Variants in PPM1A observed in about 807,000 individuals in gnomAD.
PPM1A encodes protein phosphatase, Mg2+/Mn2+ dependent 1A, also known as protein phosphatase 1A.
PPM1A carries 7 observed loss-of-function variants against 35.0 expected under a neutral mutation model. That is an observed-to-expected ratio of 0.20 (90% CI 0.11 to 0.38). PPM1A has a LOEUF of 0.38. PPM1A is among the 10% of genes least tolerant of loss of function. PPM1A has a pLI of 1.00. For synonymous variants in PPM1A, 153 were observed against 167.3 expected (o/e 0.91, Z 0.66); for missense variants, 239 against 467.8 (o/e 0.51, Z 4.51).
At chr14:60,255,663 A>G (rs1327449869) in intron 1 of PPM1A, among the ~76,000 whole-genome samples, 1 of 152,196 alleles carries the variant, frequency 6.6e-6, no homozygotes, top group African/African-American at 2.4e-5. Flanking sequence ...TTGTAGGAGG[A>G]GGTAGTAGAA....
At chr14:60,279,672 C>G (rs971898623) in intron 1 of PPM1A, among the ~76,000 whole-genome samples, 2 of 152,188 alleles carry the variant, frequency 1.3e-5, no homozygotes, top group Admixed American at 1.3e-4. Context: ...GTTCCTGTTT[C>G]TCCACATTCT....
chr14:60,284,697 A>ATATG (rs1555344233), intron 2 of PPM1A, among the ~76,000 whole-genome samples: 1 of 115,304 alleles, frequency 8.7e-6, no homozygotes, highest in African/African-American at 5.0e-5. Context: ...ATATATATAT[A>ATATG]TGTGTGTGTG....
rs1386098466 is a variant in PPM1A, at chr14:60,295,418, C to T, written c.*2936C>T. 2 of 151,690 alleles carry T rather than the reference C, an allele frequency of 1.3e-5. No individual in the cohort carries two copies. The highest frequency in any genetic ancestry group is 4.8e-5 in the African/African-American group (2 of 41,382). 9.4% of individuals were successfully genotyped at this position (151,690 alleles called of 1,614,324 possible). ...TCAAACATATTTTTACTTTATAGTG[C>T]ATTAACTTGCTTCTAGAGTACTTAA... On this transcript the variant is annotated 3_prime_UTR_variant, in exon 6 of 6. Coordinates refer to ENST00000395076, the MANE Select transcript of PPM1A (RefSeq NM_021003.5).
upstream of PPM1A, chr14:60,246,080 T>C (rs768468908): frequency 4.6e-6 from 7 of 1,528,342 alleles, no homozygotes; most frequent in South Asian, 9.2e-5. Context: ...TGAACCTATG[T>C]TCTGGTTGGC....
At chr14:60,272,884 T>C (rs1458146146) in intron 1 of PPM1A, among the ~76,000 whole-genome samples, 2 of 152,128 alleles carry the variant, frequency 1.3e-5, no homozygotes, top group Non-Finnish European at 2.9e-5. Context: ...ATCAATTTGA[T>C]ACTCTTTCCT....
intron 1 of PPM1A, among the ~76,000 whole-genome samples, chr14:60,279,396 C>T (rs778704912): frequency 5.0e-4 from 76 of 152,270 alleles, no homozygotes; most frequent in Admixed American, 1.6e-3. Flanking sequence ...AGATTACAGG[C>T]GTGAGCCACT....
chr14:60,298,045 A>T lies in PPM1A; in HGVS notation c.*5563A>T, dbSNP rs934317591. 6.6e-6 allele frequency: 1 copy of T among 151,628 alleles called. No homozygotes were observed. Among genetic ancestry groups the T allele is most frequent in the African/African-American group, 2.4e-5 (1 of 41,372 alleles). The allele number at this position is 151,628 out of a possible 1,614,324, so 9.4% of individuals were successfully genotyped here. ...AGATAGGGGACCTGGCTAGAATCTGACATTAAAATATACTTTTTAAAAAAT... is the reference window on the plus strand; with the variant it reads ...AGATAGGGGACCTGGCTAGAATCTGTCATTAAAATATACTTTTTAAAAAAT... On this transcript the variant is annotated 3_prime_UTR_variant, in exon 6 of 6. Transcript: ENST00000395076.
upstream of PPM1A, among the ~76,000 whole-genome samples, chr14:60,248,380 C>T (rs1357453094): frequency 1.3e-5 from 2 of 152,238 alleles, no homozygotes; most frequent in Non-Finnish European, 2.9e-5. Context: ...GATTATCTAA[C>T]ATGTGCAAAT....
upstream of PPM1A, chr14:60,246,056 GAGGA>G (rs1176946767): frequency 2.1e-5 from 33 of 1,566,152 alleles, no homozygotes; most frequent in Non-Finnish European, 2.8e-5. Flanking sequence ...GGTAGTGAGG[GAGGA>G]AGGAATTGTT....
At chr14:60,287,998 T>A in intron 3 of PPM1A, 1 of 980,278 alleles carries the variant, frequency 1.0e-6, no homozygotes, top group Non-Finnish European at 1.2e-6. Flanking sequence ...AAGCGTTCAG[T>A]CTTTTTACAA....
At chr14:60,260,338 A>T (rs1420537188) in intron 1 of PPM1A, among the ~76,000 whole-genome samples, 1 of 152,120 alleles carries the variant, frequency 6.6e-6, no homozygotes, top group East Asian at 1.9e-4. Context: ...GTAAATATTT[A>T]TTTAAGGCTA....
chr14:60,260,807 A>AT (rs1000668279), intron 1 of PPM1A, among the ~76,000 whole-genome samples: 5 of 152,150 alleles, frequency 3.3e-5, no homozygotes, highest in Admixed American at 3.3e-4. Context: ...TTTCACTTAC[A>AT]TGTGTCTTGC....
intron 1 of PPM1A, among the ~76,000 whole-genome samples, chr14:60,277,908 C>T (rs1193246016): frequency 6.6e-6 from 1 of 152,134 alleles, no homozygotes; most frequent in African/African-American, 2.4e-5. Context: ...ATAATACCTC[C>T]CTCCTCAACC....
Position 60,282,639 on chromosome 14 carries a change from G to A in PPM1A, c.-20-45G>A. 6.3e-7 allele frequency: 1 copy of A among 1,575,052 alleles called. No homozygotes were observed. The highest frequency in any genetic ancestry group is 8.6e-7 in the Non-Finnish European group (1 of 1,160,854). On this transcript the variant is annotated intron_variant, in intron 1 of 5. Transcript: ENST00000395076. This position sits in a 1 kb window ranked among gnomAD's most constrained non-coding sequence, Gnocchi z 5.1. The stretch of plus-strand genomic sequence containing the variant: ...AAAAAGATTGTTTGGTACATATTTT[G>A]TTTATAAGACAGTTATTGACTTTCC...
Position 60,295,839 on chromosome 14 carries a change from T to G in PPM1A, c.*3357T>G, listed in dbSNP as rs1888021285. ...AAGGCAGGCCCCTGCCCTAAAGACC[T>G]TGTTTATACTTCCTTTACTCACCTG... On this transcript the variant is annotated 3_prime_UTR_variant, in exon 6 of 6. Coordinates refer to ENST00000395076, the MANE Select transcript of PPM1A (RefSeq NM_021003.5). The G allele has an allele frequency of 6.6e-6, 1 of 151,692 alleles. No individual in the cohort carries two copies. The highest frequency in any genetic ancestry group is 1.5e-5 in the Non-Finnish European group (1 of 67,682). The allele number at this position is 151,692 out of a possible 1,614,324, so 9.4% of individuals were successfully genotyped here. A position where few individuals can be genotyped will look rare whatever the true frequency, so the allele number is the denominator to read the frequency against.
At chr14:60,255,137 CTG>C (rs1882905286) in intron 1 of PPM1A, among the ~76,000 whole-genome samples, 1 of 148,422 alleles carries the variant, frequency 6.7e-6, no homozygotes, top group South Asian at 2.2e-4. Context: ...AAAGCAATGT[CTG>C]TGTATTATTT....
In PPM1A at chr14:60,282,562, G is replaced by A. The variant is rs1886532882; in HGVS notation, c.-20-122G>A. The A allele has an allele frequency of 8.0e-7, 1 of 1,244,478 alleles. No individual in the cohort carries two copies. The highest frequency in any genetic ancestry group is 1.5e-5 in the African/African-American group (1 of 65,966). The allele number at this position is 1,244,478 out of a possible 1,614,324, so 77.1% of individuals were successfully genotyped here. ...CCAGATTCCAAGTCAGCAACACAAT[G>A]AATGTCTGCTTATCGCGAGTTGTGA... On this transcript the variant is annotated intron_variant, in intron 1 of 5. Coordinates refer to ENST00000395076, the MANE Select transcript of PPM1A (RefSeq NM_021003.5). The surrounding 1 kb of genome is among the most constrained non-coding windows in gnomAD (Gnocchi z 5.1).
At chr14:60,286,552 G>A (rs759481205) in intron 3 of PPM1A, 12 of 984,916 alleles carry the variant, frequency 1.2e-5, no homozygotes, top group South Asian at 4.7e-5. Flanking sequence ...TAAAAATAGC[G>A]TTAAAATGCA....
At chr14:60,249,036 G>A (rs937335301), upstream of PPM1A, among the ~76,000 whole-genome samples, 1 of 152,102 alleles carries the variant, frequency 6.6e-6, no homozygotes, top group Non-Finnish European at 1.5e-5. The surrounding 1 kb of genome is among the most constrained non-coding windows in gnomAD (Gnocchi z 4.5). Context: ...AGGCAGTGAC[G>A]TCATCTGTGG....
Sources: gnomAD v4.1 joint callset for allele counts (sites outside exome capture counted in the v4.1 genomes callset) on GRCh38, gnomAD v4.1.1 for gene constraint, Gnocchi (gnomAD v3.1) non-coding constraint, MANE v1.5 for transcripts, NCBI Gene and HGNC (gene_info 2026-07-23, HGNC 2026-07-21) for gene names.